The following CPZ variants were observed in gnomAD, a reference collection of about 807,000 sequenced individuals.
CPZ encodes carboxypeptidase Z, also known as VEZT/CPZ fusion.
Under a neutral mutation model 61.8 loss-of-function variants are expected in CPZ, and 103 were observed. The ratio of observed to expected loss-of-function variants is 1.67; its 90% confidence interval spans 1.42 to 1.96. The LOEUF (loss-of-function observed/expected upper bound fraction) is 1.96. Among genes scored for constraint, CPZ ranks in the 30% most tolerant of loss-of-function variants. The pLI is 0.00. For synonymous variants in CPZ, 551 were observed against 373.7 expected (o/e 1.47, Z -5.47); for missense variants, 1,461 against 914.9 (o/e 1.60, Z -7.70).
intron 7 of CPZ, among the ~76,000 whole-genome samples, chr4:8,608,197 T>TAGTGGTCCCCACTC (rs1715213976): frequency 1.4e-5 from 2 of 145,556 alleles, no homozygotes; most frequent in African/African-American, 5.0e-5. Context: ...GAACTGCCCC[T>TAGTGGTCCCCACTC]AGTGGTCCCC....
chr4:8,607,783 T>TCCGGGAGGCG (rs1420981765), intron 7 of CPZ, among the ~76,000 whole-genome samples: 4 of 152,164 alleles, frequency 2.6e-5, no homozygotes, highest in Non-Finnish European at 5.9e-5. Context: ...GGGGTGCGTT[T>TCCGGGAGGCG]CCGGGAGGCG....
chr4:8,617,790 T>C (rs1423752446), intron 9 of CPZ, among the ~76,000 whole-genome samples: 2 of 152,024 alleles, frequency 1.3e-5, no homozygotes, highest in Non-Finnish European at 2.9e-5. Flanking sequence ...GCAGGGGCCG[T>C]GTGGGTGGTT....
At chr4:8,614,921 G>A (rs1466899126) in intron 9 of CPZ, among the ~76,000 whole-genome samples, 1 of 151,906 alleles carries the variant, frequency 6.6e-6, no homozygotes, top group African/African-American at 2.4e-5. Context: ...CCAGCAGAGG[G>A]GAGCATGCTA....
At chr4:8,598,951 G>C (rs1420549586) in intron 1 of CPZ, among the ~76,000 whole-genome samples, 1 of 152,238 alleles carries the variant, frequency 6.6e-6, no homozygotes, top group Non-Finnish European at 1.5e-5. Context: ...CACGGAGCCT[G>C]CGTGGCTGAC....
chr4:8,609,920 C>G (rs1165576303), intron 7 of CPZ, among the ~76,000 whole-genome samples: 1 of 152,202 alleles, frequency 6.6e-6, no homozygotes, highest in African/African-American at 2.4e-5. Flanking sequence ...TTTCACCAAA[C>G]TTCCATGGTG....
chr4:8,607,303 C>T lies in CPZ; in HGVS notation c.1105C>T (p.Gln369Ter). The T allele has an allele frequency of 6.2e-7, 1 of 1,614,096 alleles. No individual in the cohort carries two copies. Among genetic ancestry groups the T allele is most frequent in the South Asian group, 1.1e-5 (1 of 91,086 alleles). Reference sequence around the variant, plus strand: ...GACAAAGGCAATCATGAAGTGGATGCAGACCATACCCTTTGTGCTCTCAGC... The same window carrying T: ...GACAAAGGCAATCATGAAGTGGATGTAGACCATACCCTTTGTGCTCTCAGC... ...PETKAIMKWMQTIPFVLSASL... is the reference protein window; with the variant it reads ...PETKAIMKWM Residue 369 changes from glutamine to a stop codon, truncating the protein, a stop_gained, in exon 7 of 11, where the codon CAG (glutamine) becomes TAG (stop). Coordinates refer to ENST00000360986, the MANE Select transcript of CPZ (RefSeq NM_001014447.3). LOFTEE classifies it high-confidence loss of function.
intron 7 of CPZ, among the ~76,000 whole-genome samples, chr4:8,610,249 G>C (rs1015421651): frequency 5.3e-5 from 8 of 152,184 alleles, no homozygotes; most frequent in African/African-American, 1.7e-4. Context: ...GCCCATGTGC[G>C]CCCAGCCTCT....
At chr4:8,619,059 G>A (rs1340442799) in intron 10 of CPZ, among the ~76,000 whole-genome samples, 11 of 152,128 alleles carry the variant, frequency 7.2e-5, no homozygotes, top group Non-Finnish European at 1.5e-5. Context: ...GAGAAGAGGG[G>A]TGCCTAAGCA....
Position 8,592,790 on chromosome 4 carries a change from G to A in CPZ, c.-44G>A, listed in dbSNP as rs1219017402. ...AGAGCCCCGGCCCCGCGCGGCCCGA[G>A]TGCCACATCACTGCGCTGGCCGTCC... On this transcript the variant is annotated 5_prime_UTR_variant, in exon 1 of 11. In the 5' UTR this introduces an upstream ATG that the reference lacks. Coordinates refer to ENST00000360986, the MANE Select transcript of CPZ (RefSeq NM_001014447.3). The A allele has an allele frequency of 1.5e-6, 2 of 1,325,030 alleles. No homozygotes were observed. Among genetic ancestry groups the A allele is most frequent in the African/African-American group, 1.5e-5 (1 of 64,742 alleles). 82.1% of individuals were successfully genotyped at this position (1,325,030 alleles called of 1,614,324 possible).
intron 1 of CPZ, 103 bp from the exon 2 acceptor site, chr4:8,599,344 GGGTGGC>G: frequency 1.5e-6 from 2 of 1,304,706 alleles, no homozygotes; most frequent in Non-Finnish European, 2.0e-6. Flanking sequence ...AGCTGGCGGA[GGGTGGC>G]CTGGGCTGGT....
At chr4:8,605,880 A>G in intron 4 of CPZ, 109 bp from the exon 5 acceptor site, 1 of 1,073,940 alleles carries the variant, frequency 9.3e-7, no homozygotes, top group East Asian at 2.5e-5. Context: ...CAAAACAAGT[A>G]TGAATTGGTC....
chr4:8,612,580 G>A (rs1267954124), intron 8 of CPZ, among the ~76,000 whole-genome samples: 1 of 152,316 alleles, frequency 6.6e-6, no homozygotes, highest in East Asian at 1.9e-4. Flanking sequence ...ACAAGAACCC[G>A]CATGGGGTGG....
chr4:8,607,472 G>T (rs751822051), intron 7 of CPZ, 47 bp downstream of exon 7: 5 of 1,592,334 alleles, frequency 3.1e-6, no homozygotes, highest in Non-Finnish European at 4.3e-6. Context: ...CAGTGTGCGC[G>T]GTCCCCTTGG....
intron 1 of CPZ, among the ~76,000 whole-genome samples, chr4:8,594,823 A>G (rs1157136577): frequency 2.7e-5 from 4 of 150,058 alleles, no homozygotes; most frequent in African/African-American, 9.8e-5. Context: ...CCCAGGCTGG[A>G]GTGCAGTTGC....
rs1715994159 is a variant in CPZ at position 8,614,496 on chromosome 4, A to G, written c.1501A>G (p.Thr501Ala). The change falls in exon 9 of 11, where the codon ACG (threonine) becomes GCG (alanine). Residue 501 changes from threonine (T) to alanine (A), a missense_variant and splice_region_variant. Physicochemically the swap from Thr to Ala is moderately conservative, Grantham distance 58 (BLOSUM62 0). Transcript: ENST00000360986. ...GGAGTCACTCCTGAATTTCGTGGAG[A>G]CGGTGAGTTCTGACGGTCTCAGGGC... ...NKESLLNFVETVHRGIKGVVT... is the reference protein window; with the variant it reads ...NKESLLNFVEAVHRGIKGVVT... 2 of 1,613,046 alleles carry G rather than the reference A, an allele frequency of 1.2e-6. No homozygotes were observed. The highest frequency in any genetic ancestry group is 1.3e-5 in the African/African-American group (1 of 74,858).
At chr4:8,613,039 C>A (rs1389637441) in intron 8 of CPZ, among the ~76,000 whole-genome samples, 2 of 152,226 alleles carry the variant, frequency 1.3e-5, no homozygotes, top group Non-Finnish European at 2.9e-5. Flanking sequence ...CTTCCAGAAC[C>A]CAGGCAGAGG....
At chr4:8,596,903 C>T (rs1714221676) in intron 1 of CPZ, among the ~76,000 whole-genome samples, 1 of 152,198 alleles carries the variant, frequency 6.6e-6, no homozygotes, top group South Asian at 2.1e-4. Flanking sequence ...AGGGTCAAGT[C>T]AAAGTTAGTT....
rs1317154477 is a variant in CPZ at position 8,604,018 on chromosome 4, C to G, written c.539C>G (p.Pro180Arg). The change falls in exon 4 of 11, where the codon CCC becomes CGC. Residue 180 changes from proline (P) to arginine (R), a missense_variant. Transcript: ENST00000360986. ...GAGGCACTGCCCTCAGGGCTGCCGC[C>G]CACCTTCATCCGCTTCAGCCACCAC... ...ADEALPSGLP[P>R]TFIRFSHHSY... 6.2e-7 allele frequency: 1 copy of G among 1,612,150 alleles called. No homozygotes were observed. Among genetic ancestry groups the G allele is most frequent in the South Asian group, 1.1e-5 (1 of 91,076 alleles).
At chr4:8,611,877 A>G in intron 7 of CPZ, 150 bp from the exon 8 acceptor site, 1 of 1,126,348 alleles carries the variant, frequency 8.9e-7, no homozygotes, top group Non-Finnish European at 1.3e-6. Flanking sequence ...TCTGCAGGAC[A>G]CCGTTCCCCT....
Sources: gnomAD v4.1 joint callset for allele counts (sites outside exome capture counted in the v4.1 genomes callset) on GRCh38, gnomAD v4.1.1 for gene constraint, MANE v1.5 for transcripts, NCBI Gene and HGNC (gene_info 2026-07-23, HGNC 2026-07-21) for gene names.